Variants in EYS observed in about 807,000 individuals in gnomAD.
EYS encodes the protein EGF-like photoreceptor maintenance factor.
In EYS, 250 loss-of-function variants were observed where a neutral mutation model predicts 282.1. The ratio of observed to expected loss-of-function variants is 0.89; its 90% confidence interval spans 0.80 to 0.98. The LOEUF is 0.98. Among genes scored for constraint, EYS ranks in the 50% least tolerant of loss-of-function variants. The pLI is 0.00. For synonymous variants in EYS, 1,355 were observed against 1,282.9 expected, an observed-to-expected ratio of 1.06 and a Z score of -1.20; for missense variants, 4,016 against 3,709.0, an observed-to-expected ratio of 1.08 and a Z score of -2.15.
intron 37 of EYS, among the ~76,000 whole-genome samples, chr6:63,805,039 G>A (rs1290533533): frequency 6.6e-6 from 1 of 151,770 alleles, no homozygotes. Context: ...TGCTGATACA[G>A]AAAAGAGTGT....
At chr6:64,519,729 A>G (rs527392114) in intron 26 of EYS, among the ~76,000 whole-genome samples, 1 of 151,816 alleles carries the variant, frequency 6.6e-6, no homozygotes, top group South Asian at 2.1e-4. Context: ...CTTGAAGAAT[A>G]TCTTTAGAGA....
intron 22 of EYS, among the ~76,000 whole-genome samples, chr6:64,684,871 A>C (rs1179463257): frequency 3.3e-5 from 5 of 152,054 alleles, no homozygotes; most frequent in Admixed American, 2.6e-4. Context: ...ATAGGAAGTA[A>C]ATTATCAATA....
intron 19 of EYS, among the ~76,000 whole-genome samples, chr6:64,864,904 TG>T (rs947163946): frequency 1.3e-5 from 2 of 151,776 alleles, no homozygotes; most frequent in African/African-American, 4.8e-5. Flanking sequence ...GGCACAGTGG[TG>T]GGCATCTGTA....
intron 7 of EYS, among the ~76,000 whole-genome samples, chr6:65,400,243 T>G (rs1766442410): frequency 6.6e-6 from 1 of 152,040 alleles, no homozygotes; most frequent in Non-Finnish European, 1.5e-5. Context: ...TCAAGTATCC[T>G]TTTTAAAATA....
intron 26 of EYS, among the ~76,000 whole-genome samples, chr6:64,569,836 T>A (rs1765669294): frequency 6.6e-6 from 1 of 151,874 alleles, no homozygotes; most frequent in Non-Finnish European, 1.5e-5. Context: ...TACCTGAAAG[T>A]GAGGGGGAGA....
intron 35 of EYS, among the ~76,000 whole-genome samples, chr6:63,940,584 A>C (rs1219832532): frequency 6.6e-6 from 1 of 152,176 alleles, no homozygotes; most frequent in East Asian, 1.9e-4. Flanking sequence ...AAAAAACATC[A>C]GGATAACAGG....
intron 12 of EYS, among the ~76,000 whole-genome samples, chr6:65,083,703 G>A (rs1364979006): frequency 6.6e-6 from 1 of 151,710 alleles, no homozygotes; most frequent in African/African-American, 2.4e-5. Flanking sequence ...ATTCATCAAT[G>A]AGAGTAAACA....
At chr6:64,170,149 CT>C (rs1764436389) in intron 31 of EYS, among the ~76,000 whole-genome samples, 1 of 152,080 alleles carries the variant, frequency 6.6e-6, no homozygotes, top group South Asian at 2.1e-4. Context: ...ACTAGGTTTG[CT>C]TTTCCGCATT....
chr6:64,646,143 G>A (rs1205101920), intron 22 of EYS, among the ~76,000 whole-genome samples: 1 of 152,176 alleles, frequency 6.6e-6, no homozygotes, highest in Non-Finnish European at 1.5e-5. Context: ...AAGAGAAACC[G>A]GCAGGGGCTA....
chr6:64,941,339 C>T (rs916477721), intron 15 of EYS, among the ~76,000 whole-genome samples: 23 of 151,934 alleles, frequency 1.5e-4, no homozygotes, highest in African/African-American at 5.1e-4. Flanking sequence ...AAGATCATGC[C>T]ACTGCACTCC....
chr6:65,105,648 CT>C (rs1775013784), intron 12 of EYS, among the ~76,000 whole-genome samples: 1 of 151,878 alleles, frequency 6.6e-6, no homozygotes, highest in African/African-American at 2.4e-5. Flanking sequence ...TGTGAAACCA[CT>C]GCGGTGCACT....
At chr6:64,788,234 C>T (rs541960839) in intron 22 of EYS, among the ~76,000 whole-genome samples, 7 of 152,180 alleles carry the variant, frequency 4.6e-5, no homozygotes, top group Non-Finnish European at 8.8e-5. Context: ...AGGAGGGATC[C>T]GGCTGTTTCA....
chr6:64,110,173 T>C (rs1243389283), intron 31 of EYS, among the ~76,000 whole-genome samples: 1 of 150,794 alleles, frequency 6.6e-6, no homozygotes, highest in Non-Finnish European at 1.5e-5. Flanking sequence ...TAAAGAATCT[T>C]TTTTTTTAAA....
At chr6:64,453,057 T>C (rs1265891458) in intron 26 of EYS, among the ~76,000 whole-genome samples, 2 of 152,006 alleles carry the variant, frequency 1.3e-5, no homozygotes, top group African/African-American at 4.8e-5. Context: ...GAAACCACCA[T>C]CAGAGTGAAC....
At chr6:64,079,100 G>A (rs1033502280) in intron 32 of EYS, among the ~76,000 whole-genome samples, 5 of 151,950 alleles carry the variant, frequency 3.3e-5, no homozygotes, top group Admixed American at 6.6e-5. Flanking sequence ...TGTGTCTTTT[G>A]TTCTGTTTTT....
intron 13 of EYS, among the ~76,000 whole-genome samples, chr6:65,014,937 G>A (rs1771994933): frequency 1.3e-5 from 2 of 152,044 alleles, no homozygotes; most frequent in African/African-American, 2.4e-5. Context: ...GTCTTCCAAG[G>A]GCCTTTATAA....
intron 34 of EYS, among the ~76,000 whole-genome samples, chr6:63,995,909 T>C (rs1767812609): frequency 6.6e-6 from 1 of 151,932 alleles, no homozygotes; most frequent in Non-Finnish European, 1.5e-5. Flanking sequence ...CTATAGTTAA[T>C]AATAACATAT....
At chr6:65,605,341 A>G (rs1052810777) in intron 2 of EYS, among the ~76,000 whole-genome samples, 14 of 151,974 alleles carry the variant, frequency 9.2e-5, no homozygotes, top group Non-Finnish European at 1.5e-4. Context: ...ACATTTATAA[A>G]TTAAAATTAA....
chr6:64,775,542 A>C (rs1773652963), intron 22 of EYS, among the ~76,000 whole-genome samples: 1 of 152,024 alleles, frequency 6.6e-6, no homozygotes, highest in Non-Finnish European at 1.5e-5. Flanking sequence ...TAATCTAAGA[A>C]AGAGATTATA....
Sources: allele counts gnomAD v4.1 joint callset (sites outside exome capture counted in the v4.1 genomes callset), GRCh38; gene constraint gnomAD v4.1.1; transcripts MANE v1.5; gene names NCBI Gene and HGNC (gene_info 2026-07-23, HGNC 2026-07-21).